The following CDC42BPA variants were observed in gnomAD, a reference collection of about 807,000 sequenced individuals.
CDC42BPA encodes CDC42 binding protein kinase alpha.
CDC42BPA carries 80 observed loss-of-function variants against 223.5 expected under a neutral mutation model. The observed-to-expected ratio is 0.36, with a 90% CI of 0.30 to 0.43. CDC42BPA has a LOEUF of 0.43. CDC42BPA is among the 20% of genes least tolerant of loss of function. The pLI, the probability that CDC42BPA is intolerant of heterozygous loss-of-function variation, is 1.00. For synonymous variants in CDC42BPA, 694 were observed against 718.6 expected (o/e 0.97, Z 0.55); for missense variants, 1,743 against 2,099.9 (o/e 0.83, Z 3.32).
At chr1:227,116,302 A>AC (rs1282512162) in intron 12 of CDC42BPA, among the ~76,000 whole-genome samples, 1 of 152,236 alleles carries the variant, frequency 6.6e-6, no homozygotes, top group Non-Finnish European at 1.5e-5. Context: ...TTATTAAAGG[A>AC]CAAGAATCAT....
At chr1:227,230,769 C>G (rs1677710045) in intron 2 of CDC42BPA, among the ~76,000 whole-genome samples, 1 of 149,394 alleles carries the variant, frequency 6.7e-6, no homozygotes, top group Non-Finnish European at 1.5e-5. Context: ...AAAGATTTAT[C>G]TCTTCCTGTC....
chr1:227,005,203 T>C, intron 34 of CDC42BPA, 92 bp from the exon 35 acceptor site: 1 of 836,986 alleles, frequency 1.2e-6, no homozygotes, highest in Non-Finnish European at 2.0e-6. Context: ...TACCAAGAAA[T>C]AAAATCATCT....
intron 5 of CDC42BPA, among the ~76,000 whole-genome samples, chr1:227,168,133 C>T (rs1321748364): frequency 6.6e-6 from 1 of 152,112 alleles, no homozygotes; most frequent in Non-Finnish European, 1.5e-5. Context: ...CCATGTTAGT[C>T]AGGCTGGTCT....
intron 21 of CDC42BPA, among the ~76,000 whole-genome samples, chr1:227,057,894 A>G (rs1391928339): frequency 6.6e-6 from 1 of 152,208 alleles, no homozygotes; most frequent in Non-Finnish European, 1.5e-5. Flanking sequence ...GGCAAGTGAG[A>G]CATAATTAAT....
intron 2 of CDC42BPA, among the ~76,000 whole-genome samples, chr1:227,219,107 C>T (rs527700938): frequency 6.6e-6 from 1 of 152,304 alleles, no homozygotes; most frequent in South Asian, 2.1e-4. Context: ...CTTACTCTCC[C>T]ATGAATGCCA....
intron 6 of CDC42BPA, among the ~76,000 whole-genome samples, chr1:227,158,349 C>G (rs1663204528): frequency 6.6e-6 from 1 of 152,078 alleles, no homozygotes; most frequent in Admixed American, 6.5e-5. Context: ...CTCTGTATCA[C>G]TATCCACATG....
intron 21 of CDC42BPA, among the ~76,000 whole-genome samples, chr1:227,061,337 T>C (rs566582521): frequency 1.5e-4 from 23 of 152,198 alleles, no homozygotes; most frequent in Non-Finnish European, 2.1e-4. Flanking sequence ...GCAGAGTATA[T>C]GCAGATCGTT....
intron 2 of CDC42BPA, among the ~76,000 whole-genome samples, chr1:227,214,778 T>C (rs1177670971): frequency 1.3e-5 from 2 of 152,094 alleles, no homozygotes; most frequent in African/African-American, 4.8e-5. Flanking sequence ...TACTCTACAA[T>C]TCACCAGTTT....
chr1:227,018,953 T>C (rs537815317), intron 32 of CDC42BPA, among the ~76,000 whole-genome samples: 32 of 152,236 alleles, frequency 2.1e-4, no homozygotes, highest in Non-Finnish European at 3.5e-4. Context: ...AGCTGCTGAC[T>C]GAGCAGGGTG....
intron 14 of CDC42BPA, among the ~76,000 whole-genome samples, chr1:227,110,599 T>C (rs896494457): frequency 9.9e-5 from 15 of 152,206 alleles, no homozygotes; most frequent in African/African-American, 3.4e-4. Context: ...ATAAAAATAA[T>C]GCCTAAGATT....
chr1:227,085,914 T>C (rs1681787621), intron 16 of CDC42BPA, among the ~76,000 whole-genome samples: 1 of 152,224 alleles, frequency 6.6e-6, no homozygotes, highest in Non-Finnish European at 1.5e-5. Context: ...TCAACAGTTG[T>C]ACAGTGATTG....
At chr1:227,001,900 C>G (rs1178437710) in intron 35 of CDC42BPA, among the ~76,000 whole-genome samples, 1 of 144,482 alleles carries the variant, frequency 6.9e-6, no homozygotes, top group African/African-American at 2.6e-5. Context: ...GAGTGAGACT[C>G]TGTCTCAAAA....
chr1:227,095,132 C>T (rs10916086), intron 15 of CDC42BPA, among the ~76,000 whole-genome samples: 30,331 of 152,188 alleles, frequency 0.2, 3,125 homozygotes, highest in Admixed American at 0.25. Context: ...CTTCCAAATC[C>T]TCATCCTTTC....
intron 17 of CDC42BPA, among the ~76,000 whole-genome samples, chr1:227,079,318 C>G (rs1358867005): frequency 2.6e-5 from 4 of 152,030 alleles, no homozygotes; most frequent in African/African-American, 9.7e-5. Context: ...TTCATCTTCA[C>G]CCTTTCTATT....
At chr1:227,038,717 T>C (rs1327462700) in intron 24 of CDC42BPA, among the ~76,000 whole-genome samples, 1 of 152,152 alleles carries the variant, frequency 6.6e-6, no homozygotes, top group East Asian at 1.9e-4. Context: ...GGGATCAAGA[T>C]CCTGAAGGAT....
In CDC42BPA at chr1:227,008,758, T is replaced by C. The variant is rs73087675; in HGVS notation, c.4858-3647A>G. On this transcript the variant is annotated intron_variant, in intron 34 of 36. Coordinates refer to ENST00000366766, the MANE Select transcript of CDC42BPA (RefSeq NM_001394014.1). ...GCACATACTGAAAGTTGGCAACTAG[T>C]TGGCCCCAAATTTAACTGCTGCCAT... Among the ~76,000 whole-genome samples, 1,424 of 152,366 alleles carry C rather than the reference T, an allele frequency of 9.3e-3. 24 individuals carry two copies. Among genetic ancestry groups the C allele is most frequent in the African/African-American group, 0.033 (1,354 of 41,576 alleles).
At chr1:227,207,063 T>C (rs12723816) in intron 3 of CDC42BPA, among the ~76,000 whole-genome samples, 6 of 141,364 alleles carry the variant, frequency 4.2e-5, no homozygotes, top group East Asian at 2.2e-4. Context: ...GTATATCTCC[T>C]AATGCTATCC....
intron 23 of CDC42BPA, 24 bp downstream of exon 23, chr1:227,047,903 T>C: frequency 1.4e-6 from 2 of 1,426,376 alleles, no homozygotes; most frequent in Admixed American, 1.7e-5. Context: ...TGGAACACAC[T>C]ATGCTTATAA....
intron 1 of CDC42BPA, among the ~76,000 whole-genome samples, chr1:227,314,278 T>C (rs1296982746): frequency 1.3e-5 from 2 of 152,096 alleles, no homozygotes; most frequent in African/African-American, 4.8e-5. Context: ...GTCTTTCAAA[T>C]ACTATTTACT....
Sources: gnomAD v4.1 joint callset for allele counts (sites outside exome capture counted in the v4.1 genomes callset) on GRCh38, gnomAD v4.1.1 for gene constraint, MANE v1.5 for transcripts, NCBI Gene and HGNC (gene_info 2026-07-23, HGNC 2026-07-21) for gene names.